CDKAL1: variants seen among roughly 807,000 people sequenced by gnomAD.
The protein encoded by CDKAL1 is threonylcarbamoyladenosine tRNA methylthiotransferase.
CDKAL1 carries 32 observed loss-of-function variants against 68.2 expected under a neutral mutation model. The ratio of observed to expected loss-of-function variants is 0.47; its 90% CI spans 0.35 to 0.63. CDKAL1 has a LOEUF of 0.63. CDKAL1 is among the 30% of genes least tolerant of loss of function. CDKAL1 has a pLI of 0.00. For missense variants in CDKAL1, 606 were observed against 696.7 expected (o/e 0.87, Z 1.47); for synonymous variants, 234 against 244.3 (o/e 0.96, Z 0.39).
chr6:20,712,535 A>G (rs1355429551), intron 5 of CDKAL1, among the ~76,000 whole-genome samples: 1 of 152,068 alleles, frequency 6.6e-6, no homozygotes, highest in Non-Finnish European at 1.5e-5. Context: ...ATGAAAAGAA[A>G]AGAAAATTTA....
At chr6:20,845,408 A>G (rs570779053) in intron 8 of CDKAL1, among the ~76,000 whole-genome samples, 2 of 152,212 alleles carry the variant, frequency 1.3e-5, no homozygotes, top group Non-Finnish European at 2.9e-5. Flanking sequence ...ACAATTCTAT[A>G]TCATGTCTAA....
intron 7 of CDKAL1, among the ~76,000 whole-genome samples, chr6:20,770,723 A>G (rs564106873): frequency 8.5e-5 from 13 of 152,340 alleles, no homozygotes; most frequent in African/African-American, 3.1e-4. Flanking sequence ...CCTTCCTGCC[A>G]AGTCTTAATA....
intron 13 of CDKAL1, among the ~76,000 whole-genome samples, chr6:21,194,713 C>T (rs1332151247): frequency 6.6e-6 from 1 of 152,134 alleles, no homozygotes; most frequent in Non-Finnish European, 1.5e-5. Flanking sequence ...GGAAGTGGCT[C>T]ATTTTAAAAA....
chr6:20,660,139 C>T (rs1465679975), intron 5 of CDKAL1, among the ~76,000 whole-genome samples: 1 of 152,142 alleles, frequency 6.6e-6, no homozygotes, highest in African/African-American at 2.4e-5. Flanking sequence ...TAAGCTTCAC[C>T]TCACCTCTTA....
chr6:21,088,579 A>G (rs1297724288), intron 12 of CDKAL1, among the ~76,000 whole-genome samples: 1 of 152,210 alleles, frequency 6.6e-6, no homozygotes, highest in East Asian at 1.9e-4. Context: ...TGCTTTCATT[A>G]ATTAATACTT....
intron 13 of CDKAL1, among the ~76,000 whole-genome samples, chr6:21,162,465 G>A (rs139950031): frequency 1.2e-4 from 18 of 152,304 alleles, no homozygotes; most frequent in Middle Eastern, 3.4e-3. Context: ...CCATTCCATG[G>A]TTTTGCCCAG....
At chr6:20,763,751 G>T (rs1774573017) in intron 7 of CDKAL1, among the ~76,000 whole-genome samples, 1 of 152,126 alleles carries the variant, frequency 6.6e-6, no homozygotes. Context: ...TAACTCTATT[G>T]TAATTAACAT....
At chr6:21,059,796 GTGGTTTC>G (rs1337600207) in intron 11 of CDKAL1, among the ~76,000 whole-genome samples, 3 of 152,160 alleles carry the variant, frequency 2.0e-5, no homozygotes, top group Non-Finnish European at 4.4e-5. Flanking sequence ...TAGGGTACAA[GTGGTTTC>G]TGGTTACATG....
chr6:20,967,229 C>A (rs1173950046), intron 10 of CDKAL1, among the ~76,000 whole-genome samples: 1 of 152,100 alleles, frequency 6.6e-6, no homozygotes, highest in African/African-American at 2.4e-5. Flanking sequence ...GACCCTGTTT[C>A]CAAGTAATGT....
intron 4 of CDKAL1, among the ~76,000 whole-genome samples, chr6:20,549,580 A>ATATTTATT (rs55998379): frequency 4.2e-4 from 62 of 147,862 alleles, no homozygotes; most frequent in African/African-American, 1.3e-3. Context: ...CTTTACATTT[A>ATATTTATT]TATTTATTTA....
chr6:20,833,952 G>A (rs1777825997), intron 8 of CDKAL1, among the ~76,000 whole-genome samples: 1 of 152,100 alleles, frequency 6.6e-6, no homozygotes, highest in Non-Finnish European at 1.5e-5. Context: ...CAAATTTTTG[G>A]GTGTCAGCAC....
chr6:20,567,002 A>T (rs1764486602), intron 4 of CDKAL1, among the ~76,000 whole-genome samples: 1 of 151,936 alleles, frequency 6.6e-6, no homozygotes, highest in African/African-American at 2.4e-5. Context: ...ATATACTAGG[A>T]GGGGTATTTT....
intron 13 of CDKAL1, among the ~76,000 whole-genome samples, chr6:21,142,031 T>G (rs960800447): frequency 2.6e-5 from 4 of 152,110 alleles, no homozygotes; most frequent in Non-Finnish European, 4.4e-5. Flanking sequence ...ATCCAAAATT[T>G]TTTTTTCCAA....
chr6:20,785,349 T>TC (rs1775625908), intron 8 of CDKAL1, among the ~76,000 whole-genome samples: 1 of 145,710 alleles, frequency 6.9e-6, no homozygotes, highest in Non-Finnish European at 1.5e-5. Context: ...GGAGTCTTGC[T>TC]CTGTCGCCCA....
intron 5 of CDKAL1, among the ~76,000 whole-genome samples, chr6:20,730,903 G>A (rs1478776600): frequency 6.6e-6 from 1 of 151,880 alleles, no homozygotes; most frequent in Non-Finnish European, 1.5e-5. Flanking sequence ...CAGTGGTGTT[G>A]CTGTGGAGTA....
Position 21,046,850 on chromosome 6 carries a change from T to TAA in CDKAL1, c.1056-18197_1056-18196insAA, listed in dbSNP as rs953848687. On this transcript the variant is annotated intron_variant, in intron 11 of 15. Coordinates refer to ENST00000274695, the MANE Select transcript of CDKAL1 (RefSeq NM_017774.3). ...CAAATGAGTTTAGAATGACGAGACT[T>TAA]ACACCCTTCAAAAATAGACGCAAGC... Among the ~76,000 whole-genome samples the TAA allele has an allele frequency of 2.6e-5, 4 of 152,306 alleles. No individual in the cohort carries two copies. The East Asian group carries it at 7.7e-4, about 29-fold the overall frequency.
intron 6 of CDKAL1, among the ~76,000 whole-genome samples, chr6:20,746,669 A>G (rs556136975): frequency 1.1e-4 from 16 of 152,330 alleles, no homozygotes; most frequent in Non-Finnish European, 1.5e-4. Flanking sequence ...ACATCTGAAC[A>G]TATATTTGAT....
intron 5 of CDKAL1, chr6:20,723,663 G>T: frequency 5.9e-6 from 1 of 168,296 alleles, no homozygotes; most frequent in Non-Finnish European, 1.3e-5. Flanking sequence ...CATGTTTATA[G>T]GAGTGCTATT....
chr6:20,871,201 T>C (rs1760194314), intron 9 of CDKAL1, among the ~76,000 whole-genome samples: 1 of 152,186 alleles, frequency 6.6e-6, no homozygotes, highest in Non-Finnish European at 1.5e-5. Flanking sequence ...GCAAGTTATA[T>C]TGAAATAGCG....
Sources: allele counts gnomAD v4.1 joint callset (sites outside exome capture counted in the v4.1 genomes callset), GRCh38; gene constraint gnomAD v4.1.1; transcripts MANE v1.5; gene names NCBI Gene and HGNC (gene_info 2026-07-23, HGNC 2026-07-21).